Variants in CELF2 observed in about 807,000 individuals in gnomAD.
CELF2 encodes the protein CUG triplet repeat RNA-binding protein 2.
Under a neutral mutation model 62.6 loss-of-function variants are expected in CELF2, and 8 were observed. That is an observed-to-expected ratio of 0.13 (90% CI 0.07 to 0.23). The LOEUF (loss-of-function observed/expected upper bound fraction) is 0.23. CELF2 is among the 10% of genes least tolerant of loss of function. The pLI, the probability that CELF2 is intolerant of heterozygous loss-of-function variation, is 1.00. For synonymous variants in CELF2, 258 were observed against 250.0 expected (o/e 1.03, Z -0.30); for missense variants, 333 against 671.0 (o/e 0.50, Z 5.56).
chr10:10,901,265 C>T (rs11256894), intron 1 of CELF2, among the ~76,000 whole-genome samples: 20,436 of 152,128 alleles, frequency 0.13, 1,484 homozygotes, highest in Non-Finnish European at 0.17. Flanking sequence ...TATGATTTCA[C>T]GATGTGTTAT....
chr10:11,132,241 G>A (rs1270541370), intron 1 of CELF2, among the ~76,000 whole-genome samples: 1 of 152,166 alleles, frequency 6.6e-6, no homozygotes, highest in African/African-American at 2.4e-5. Context: ...GTTACTTCTT[G>A]TAAAATATTT....
intron 1 of CELF2, among the ~76,000 whole-genome samples, chr10:10,799,867 A>G (rs2399572): frequency 0.45 from 67,910 of 151,970 alleles, 15,483 homozygotes; most frequent in African/African-American, 0.57. Flanking sequence ...TGAAATATGA[A>G]AATGTTCAAT....
the CELF2 span, among the ~76,000 whole-genome samples, chr10:10,751,890 A>T: frequency 0.53 from 80,506 of 152,064 alleles, 22,048 homozygotes; most frequent in African/African-American, 0.66. Context: ...TAGATTCTCA[A>T]GTTGCATAGC....
Position 11,215,065 on chromosome 10 carries a change from A to G in CELF2, c.272-2360A>G, listed in dbSNP as rs529140251. 2.0e-5 allele frequency among the ~76,000 whole-genome samples: 3 copies of G among 152,334 alleles called. No individual in the cohort carries two copies. The South Asian group carries it at 6.2e-4, about 32-fold the overall frequency. Reference sequence around the variant, plus strand: ...ACTAAGAACTTTGTTCAAGAGGAAGACCCTTTAAAGTAGCTAAAATCACAC... The same window carrying G: ...ACTAAGAACTTTGTTCAAGAGGAAGGCCCTTTAAAGTAGCTAAAATCACAC... On this transcript the variant is annotated intron_variant, in intron 2 of 12. Coordinates refer to ENST00000633077, the MANE Select transcript of CELF2 (RefSeq NM_001326342.2).
At chr10:11,151,127 C>A (rs2063259591) in intron 1 of CELF2, among the ~76,000 whole-genome samples, 1 of 152,188 alleles carries the variant, frequency 6.6e-6, no homozygotes, top group Non-Finnish European at 1.5e-5. Flanking sequence ...ACAGCTGTTT[C>A]CCCACCCAGT....
chr10:10,903,222 T>C (rs1381475277), intron 1 of CELF2, among the ~76,000 whole-genome samples: 2 of 152,192 alleles, frequency 1.3e-5, no homozygotes, highest in Non-Finnish European at 2.9e-5. Context: ...TTTTGTATAA[T>C]GTCCCTGCAA....
At chr10:10,555,623 G>A in the CELF2 span, among the ~76,000 whole-genome samples, 4 of 152,262 alleles carry the variant, frequency 2.6e-5, 1 homozygote, top group East Asian at 7.7e-4. Flanking sequence ...TGTGGCTTTG[G>A]TAAATAGCTA....
At chr10:10,585,922 G>T in the CELF2 span, among the ~76,000 whole-genome samples, 2 of 152,154 alleles carry the variant, frequency 1.3e-5, no homozygotes, top group Non-Finnish European at 2.9e-5. Context: ...GATATCTGTT[G>T]TTTGCTTGTA....
In CELF2 at chr10:11,315,045, C is replaced by T. The variant is rs960901802; in HGVS notation, c.1096+787C>T. ...ACTGCAGGTTCTGTCCTCCACAGCCCACCCGCTCCTGTCATTCTCGGTTGA... is the reference window on the plus strand; with the variant it reads ...ACTGCAGGTTCTGTCCTCCACAGCCTACCCGCTCCTGTCATTCTCGGTTGA... On this transcript the variant is annotated intron_variant, in intron 10 of 12. Transcript: ENST00000633077. This position sits in a 1 kb window ranked among gnomAD's most constrained non-coding sequence, Gnocchi z 5.8. Among the ~76,000 whole-genome samples, 3 of 152,150 alleles carry T rather than the reference C, an allele frequency of 2.0e-5. No homozygotes were observed. Among genetic ancestry groups the T allele is most frequent in the Non-Finnish European group, 2.9e-5 (2 of 68,034 alleles).
the CELF2 span, among the ~76,000 whole-genome samples, chr10:10,650,230 G>T: frequency 1.3e-5 from 2 of 152,106 alleles, no homozygotes; most frequent in African/African-American, 4.8e-5. Flanking sequence ...AGAACAAAAA[G>T]GCCCCCATTG....
Position 11,260,837 on chromosome 10 carries a change from C to T in CELF2, c.538+2965C>T, listed in dbSNP as rs1310486490. Among the ~76,000 whole-genome samples, 2 of 152,206 alleles carry T rather than the reference C, an allele frequency of 1.3e-5. No individual in the cohort carries two copies. The highest frequency in any genetic ancestry group is 3.2e-3 in the Middle Eastern group (1 of 316). ...AGGGACTCCTGGCTACAGGGGCCTG[C>T]TCCTGAATCAGTGTATTTGTTAAAA... On this transcript the variant is annotated intron_variant, in intron 5 of 12. Coordinates refer to ENST00000633077, the MANE Select transcript of CELF2 (RefSeq NM_001326342.2). The surrounding 1 kb of genome is among the most constrained non-coding windows in gnomAD (Gnocchi z 4.2).
intron 1 of CELF2, among the ~76,000 whole-genome samples, chr10:10,908,214 A>AGTTT (rs2063501269): frequency 1.2e-5 from 1 of 83,738 alleles, no homozygotes; most frequent in African/African-American, 4.8e-5. Flanking sequence ...GTATGAGGGG[A>AGTTT]TTTTTTTTTT....
At chr10:10,557,260 AG>A in the CELF2 span, among the ~76,000 whole-genome samples, 1 of 148,268 alleles carries the variant, frequency 6.7e-6, no homozygotes, top group Admixed American at 6.7e-5. Flanking sequence ...ATGGCTAGCC[AG>A]TTTTCCCAGC....
At chr10:11,054,479 GTA>G (rs369087616) in intron 1 of CELF2, among the ~76,000 whole-genome samples, 36 of 101,486 alleles carry the variant, frequency 3.5e-4, no homozygotes, top group Admixed American at 1.5e-3. Flanking sequence ...AAACAACTGT[GTA>G]TGTGTGTTTG....
At position 11,008,895 on chromosome 10, in the gene CELF2, GGAACAGTAAT is replaced by G. The variant is rs1056071894; in HGVS notation, c.53+3458_53+3467del. Among the ~76,000 whole-genome samples, 10 of 150,286 alleles carry G rather than the reference GGAACAGTAAT, an allele frequency of 6.7e-5. No individual in the cohort carries two copies. Among genetic ancestry groups the G allele is most frequent in the African/African-American group, 2.2e-4 (9 of 40,994 alleles). Reference sequence around the variant, plus strand: ...TTTGTGGCATTGATCTGTACTTTCTGGAACAGTAATGAGCACAAGTCCATTCAGTGGCAAT... The same window carrying G: ...TTTGTGGCATTGATCTGTACTTTCTGGAGCACAAGTCCATTCAGTGGCAAT... On this transcript the variant is annotated intron_variant, in intron 1 of 12. Transcript: ENST00000416382. The surrounding 1 kb of genome is among the most constrained non-coding windows in gnomAD (Gnocchi z 4.5).
chr10:11,276,041 C>G (rs1243779495), intron 8 of CELF2, among the ~76,000 whole-genome samples: 1 of 152,190 alleles, frequency 6.6e-6, no homozygotes, highest in African/African-American at 2.4e-5. Context: ...GCAATGAAAC[C>G]TACATGTGCA....
At position 11,280,323 on chromosome 10, in the gene CELF2, G is replaced by A. The variant is rs116237357; in HGVS notation, c.841+5203G>A. Among the ~76,000 whole-genome samples, 955 of 152,130 alleles carry A rather than the reference G, an allele frequency of 6.3e-3. 14 individuals carry two copies. The highest frequency in any genetic ancestry group is 0.022 in the African/African-American group (900 of 41,438). On this transcript the variant is annotated intron_variant, in intron 8 of 12. Transcript: ENST00000633077. This position sits in a 1 kb window ranked among gnomAD's most constrained non-coding sequence, Gnocchi z 7.6. ...AGGCCTGCGCCTGACACCTGTGCCC[G>A]AGAAGCCTAGTCCGGCTAAGAAGGG...
the CELF2 span, among the ~76,000 whole-genome samples, chr10:10,758,991 C>T: frequency 6.6e-6 from 1 of 152,152 alleles, no homozygotes; most frequent in African/African-American, 2.4e-5. Context: ...GTCAGAGAGT[C>T]CTCTCAATTT....
At chr10:10,630,230 T>C in the CELF2 span, among the ~76,000 whole-genome samples, 2 of 152,186 alleles carry the variant, frequency 1.3e-5, no homozygotes, top group Non-Finnish European at 1.5e-5. Flanking sequence ...TTTGTTCAGT[T>C]CACATTTTGA....
Sources: gnomAD v4.1 joint callset for allele counts (sites outside exome capture counted in the v4.1 genomes callset) on GRCh38, gnomAD v4.1.1 for gene constraint, Gnocchi (gnomAD v3.1) non-coding constraint, MANE v1.5 for transcripts, NCBI Gene and HGNC (gene_info 2026-07-23, HGNC 2026-07-21) for gene names.